The following MED1 variants were observed in gnomAD, a reference collection of about 807,000 sequenced individuals.
MED1 encodes the protein mediator complex subunit 1.
MED1 carries 17 observed loss-of-function variants against 121.3 expected under a neutral mutation model. That is an observed-to-expected ratio of 0.14 (90% CI 0.10 to 0.21). MED1 has a LOEUF of 0.21. Among genes scored for constraint, MED1 ranks in the 10% least tolerant of loss-of-function variants. The pLI is 1.00. For missense variants in MED1, 1,558 were observed against 1,919.4 expected (o/e 0.81, Z 3.52); for synonymous variants, 661 against 694.4 (o/e 0.95, Z 0.76).
chr17:39,410,497 A>G lies in MED1; in HGVS notation c.1724T>C (p.Leu575Ser). 2 of 1,614,022 alleles carry G rather than the reference A, an allele frequency of 1.2e-6. No homozygotes were observed. Among genetic ancestry groups the G allele is most frequent in the Non-Finnish European group, 1.7e-6 (2 of 1,179,998 alleles). Residue 575 changes from leucine to serine, a missense_variant, in exon 17 of 17, where the codon TTG (leucine) becomes TCG (serine). Transcript: ENST00000300651. ...NTFPGGPITT[L>S]FNMSMSIKDR... is the part of the protein sequence containing the mutation. Reference sequence around the variant, plus strand: ...TTTGATGCTCATGCTCATATTAAACAAGGTGGTAATGGGACCCCCCGGAAA... The same window carrying G: ...TTTGATGCTCATGCTCATATTAAACGAGGTGGTAATGGGACCCCCCGGAAA...
chr17:39,410,080 G>A lies in MED1; in HGVS notation c.2141C>T (p.Ser714Leu). The A allele has an allele frequency of 6.2e-7, 1 of 1,614,106 alleles. No homozygotes were observed. The highest frequency in any genetic ancestry group is 8.5e-7 in the Non-Finnish European group (1 of 1,180,024). ...AGGGTTCTGTGAGTCAACATCCATT[G>A]AAAATAGCTCCCTCTGAAAGTCATC... ...TEDDFQRELF[S>L]MDVDSQNPIF... Residue 714 changes from serine to leucine, a missense_variant, in exon 17 of 17, where the codon TCA becomes TTA. Around this residue, in one of 5 missense-constraint regions of MED1, gnomAD observed 793 missense variants for 898.2 expected, o/e 0.88. Coordinates refer to ENST00000300651, the MANE Select transcript of MED1 (RefSeq NM_004774.4).
rs994455362 is a variant in MED1, at chr17:39,405,653, A to G, written c.*1822T>C. 1 of 1,040,382 alleles carries G rather than the reference A, an allele frequency of 9.6e-7. No individual in the cohort carries two copies. Among genetic ancestry groups the G allele is most frequent in the Non-Finnish European group, 1.2e-6 (1 of 865,458 alleles). The allele number at this position is 1,040,382 out of a possible 1,614,324, so 64.4% of individuals were successfully genotyped here. ...CATTTGACTCTGATGTGGTTAATTG[A>G]TAACTTTTCTTGCTCCACTTTACAA... On this transcript the variant is annotated 3_prime_UTR_variant, in exon 17 of 17. Transcript: ENST00000300651.
rs764062704 is a variant in MED1 at position 39,440,379 on chromosome 17, C to T, written c.399+7G>A. ...ACAGATTCCAGTGAAATATCAACAA[C>T]ACATACCACAGGATTCTCCCCATGG... On this transcript the variant is annotated splice_region_variant and intron_variant, in intron 5 of 16. Transcript: ENST00000300651. This position sits in a 1 kb window ranked among gnomAD's most constrained non-coding sequence, Gnocchi z 4.1. 6.4e-7 allele frequency: 1 copy of T among 1,556,086 alleles called. No individual in the cohort carries two copies. Among genetic ancestry groups the T allele is most frequent in the South Asian group, 1.2e-5 (1 of 81,640 alleles).
chr17:39,410,343 A>G lies in MED1; in HGVS notation c.1878T>C (p.His626=). 1.2e-6 allele frequency: 2 copies of G among 1,613,800 alleles called. No homozygotes were observed. Among genetic ancestry groups the G allele is most frequent in the Non-Finnish European group, 1.7e-6 (2 of 1,179,950 alleles). Residue 626 remains histidine (H), a synonymous_variant, in exon 17 of 17, where the codon CAT becomes CAC. Coordinates refer to ENST00000300651, the MANE Select transcript of MED1 (RefSeq NM_004774.4). ...STIGSSPTPP[H]HTPPPVSSMA... Reference sequence around the variant, plus strand: ...TCGAAGAGACAGGTGGCGGCGTGTGATGAGGAGGGGTCGGACTCGAGCCAA... The same window carrying G: ...TCGAAGAGACAGGTGGCGGCGTGTGGTGAGGAGGGGTCGGACTCGAGCCAA...
At chr17:39,411,486 G>A (rs2048355258) in intron 16 of MED1, among the ~76,000 whole-genome samples, 2 of 151,832 alleles carry the variant, frequency 1.3e-5, no homozygotes, top group Admixed American at 6.6e-5. Flanking sequence ...GCCAGCCGTG[G>A]CGGTGCACAG....
chr17:39,437,633 T>A (rs1005202544), intron 6 of MED1, among the ~76,000 whole-genome samples: 5 of 150,558 alleles, frequency 3.3e-5, no homozygotes, highest in Non-Finnish European at 7.4e-5. Context: ...AAAAAAAAAA[T>A]TAAAACTTAA....
At chr17:39,441,738 C>A (rs1355593339) in intron 3 of MED1, among the ~76,000 whole-genome samples, 1 of 152,080 alleles carries the variant, frequency 6.6e-6, no homozygotes, top group Non-Finnish European at 1.5e-5. Flanking sequence ...CGTGCCACTG[C>A]ACTCCAGCCT....
intron 7 of MED1, among the ~76,000 whole-genome samples, chr17:39,432,819 C>T (rs1267547611): frequency 6.6e-6 from 1 of 151,674 alleles, no homozygotes; most frequent in East Asian, 1.9e-4. Context: ...AATCCCAACA[C>T]TTTGGGAGGC....
At chr17:39,425,620 G>A (rs941745265) in intron 10 of MED1, among the ~76,000 whole-genome samples, 2 of 151,940 alleles carry the variant, frequency 1.3e-5, no homozygotes, top group South Asian at 2.1e-4. Flanking sequence ...TGCAGAAGAC[G>A]GTGAAACCGC....
rs956658499 is a variant in MED1 at position 39,431,852 on chromosome 17, A to G, written c.575+90T>C. On this transcript the variant is annotated intron_variant, in intron 8 of 16. Transcript: ENST00000300651. ...GAAGAGAAAGGACATATTATCATAC[A>G]GGCTTAATAGAGATGTATAAAATAG... 6 of 794,828 alleles carry G rather than the reference A, an allele frequency of 7.5e-6. No homozygotes were observed. The Admixed American group carries it at 1.0e-4, about 13-fold the overall frequency. The allele number at this position is 794,828 out of a possible 1,614,324, so 49.2% of individuals were successfully genotyped here.
intron 11 of MED1, 108 bp from the exon 12 acceptor site, chr17:39,423,929 CT>C (rs2048490748): frequency 7.7e-7 from 1 of 1,295,046 alleles, no homozygotes; most frequent in African/African-American, 1.5e-5. Context: ...AATGCCCAGG[CT>C]AGAGTGCAAT....
rs147558543 is a variant in MED1, at chr17:39,419,807, G to C, written c.1207C>G (p.Arg403Gly). 1.1e-5 allele frequency: 18 copies of C among 1,613,844 alleles called. No homozygotes were observed. Among genetic ancestry groups the C allele is most frequent in the Non-Finnish European group, 1.4e-5 (17 of 1,179,936 alleles). ...ATCAGATTTAGGATAAGAGGAACTC[G>C]GCCAGGGTGCTGAAAGGTGATTTTG... ...VSKITFQHPG[R>G]VPLILNLIRH... Residue 403 changes from arginine to glycine, a missense_variant, in exon 14 of 17, where the codon CGA (arginine) becomes GGA (glycine). Transcript: ENST00000300651.
chr17:39,443,695 C>A, intron 2 of MED1, 67 bp from the exon 3 acceptor site: 1 of 1,255,330 alleles, frequency 8.0e-7, no homozygotes, highest in Non-Finnish European at 1.2e-6. Context: ...GGTAAACATA[C>A]ACATTATCCT....
chr17:39,441,340 TG>T (rs1157804626), intron 3 of MED1, among the ~76,000 whole-genome samples: 1 of 152,044 alleles, frequency 6.6e-6, no homozygotes, highest in Non-Finnish European at 1.5e-5. Flanking sequence ...AATGTAAGCT[TG>T]GGAAGATGAG....
chr17:39,444,843 T>G (rs2048711238), intron 2 of MED1, among the ~76,000 whole-genome samples: 1 of 151,980 alleles, frequency 6.6e-6, no homozygotes, highest in South Asian at 2.1e-4. Context: ...CACTCCAACC[T>G]TGGTGACAGA....
At chr17:39,417,249 G>A (rs2048418509) in intron 14 of MED1, among the ~76,000 whole-genome samples, 1 of 151,848 alleles carries the variant, frequency 6.6e-6, no homozygotes, top group African/African-American at 2.4e-5. Context: ...AGAATTGCTT[G>A]AACCCAGGAG....
intron 6 of MED1, among the ~76,000 whole-genome samples, chr17:39,438,904 G>A (rs1235577262): frequency 5.9e-5 from 9 of 152,086 alleles, no homozygotes; most frequent in Non-Finnish European, 1.0e-4. Flanking sequence ...AGCTGAGATC[G>A]CGCCACTGCA....
At chr17:39,426,638 G>C (rs1489010598) in intron 10 of MED1, among the ~76,000 whole-genome samples, 1 of 150,656 alleles carries the variant, frequency 6.6e-6, no homozygotes, top group Admixed American at 6.6e-5. Flanking sequence ...AGGTTCAAGC[G>C]ATTCTCCTGC....
chr17:39,419,419 T>C (rs2048440209), intron 14 of MED1, among the ~76,000 whole-genome samples: 1 of 151,634 alleles, frequency 6.6e-6, no homozygotes, highest in Admixed American at 6.6e-5. Context: ...AATTTTTTTT[T>C]TTTTTTGAGA....
Sources: allele counts gnomAD v4.1 joint callset (sites outside exome capture counted in the v4.1 genomes callset), GRCh38; gene constraint gnomAD v4.1.1; regional missense constraint gnomAD v4.1.1; non-coding constraint Gnocchi (gnomAD v3.1); transcripts MANE v1.5; gene names NCBI Gene and HGNC (gene_info 2026-07-23, HGNC 2026-07-21).